DUSP7: variants seen among roughly 807,000 people sequenced by gnomAD.
The protein encoded by DUSP7 is dual specificity phosphatase 7.
In DUSP7, 7 loss-of-function variants were observed where a neutral mutation model predicts 29.8. The observed-to-expected ratio is 0.24, with a 90% CI of 0.13 to 0.44. The LOEUF is 0.44. Among genes scored for constraint, DUSP7 ranks in the 20% least tolerant of loss-of-function variants. The pLI is 1.00. For missense variants in DUSP7, 400 were observed against 583.7 expected, an observed-to-expected ratio of 0.69 and a Z score of 3.24; for synonymous variants, 287 against 275.4, an observed-to-expected ratio of 1.04 and a Z score of -0.42.
rs1309222376 is a variant in DUSP7 at position 52,053,587 on chromosome 3, G to A, written c.952+353C>T. 3.3e-5 allele frequency: 10 copies of A among 302,768 alleles called. No homozygotes were observed. Among genetic ancestry groups the A allele is most frequent in the Non-Finnish European group, 6.3e-5 (10 of 157,858 alleles). 18.8% of individuals were successfully genotyped at this position (302,768 alleles called of 1,614,324 possible). ...AGACACGTGTGCTGAGGCGTGATGC[G>A]GAGCAAGTGAGACCCGTGGGAGGTC... is the stretch of plus-strand genomic sequence containing the variant. On this transcript the variant is annotated intron_variant, in intron 2 of 2. Coordinates refer to ENST00000495880, the MANE Select transcript of DUSP7 (RefSeq NM_001947.4). The surrounding 1 kb of genome is among the most constrained non-coding windows in gnomAD (Gnocchi z 4.6).
rs1180246242 is a variant in DUSP7, at chr3:52,054,286, G to C, written c.606C>G (p.Thr202=). 2 of 1,599,998 alleles carry C rather than the reference G, an allele frequency of 1.3e-6. No individual in the cohort carries two copies. Among genetic ancestry groups the C allele is most frequent in the Admixed American group, 3.4e-5 (2 of 58,890 alleles). ...GCAGGCCCCCCAGGCCCAGCACTGAGGTGGGTGGCGAGCTGCTCGGCGAGG... is the reference window on the plus strand; with the variant it reads ...GCAGGCCCCCCAGGCCCAGCACTGACGTGGGTGGCGAGCTGCTCGGCGAGG... ...SSSSPSSSPP[T]SVLGLGGLRI... Residue 202 remains threonine, a synonymous_variant, in exon 2 of 3, where the codon ACC becomes ACG. Coordinates refer to ENST00000495880, the MANE Select transcript of DUSP7 (RefSeq NM_001947.4). This position sits in a 1 kb window ranked among gnomAD's most constrained non-coding sequence, Gnocchi z 4.1.
Position 52,051,068 on chromosome 3 carries a change from C to T in DUSP7, c.1007G>A (p.Ser336Asn), listed in dbSNP as rs1262872049. The part of the protein sequence containing the change: ...GVLVHCLAGI[S>N]RSVTVTVAYL... ...GGCCACAGTGACCGTCACTGAGCGG[C>T]TGATGCCTGCCAGGCAGTGCACCAG... Residue 336 changes from serine to asparagine, a missense_variant, in exon 3 of 3, where the codon AGC becomes AAC. Coordinates refer to ENST00000495880, the MANE Select transcript of DUSP7 (RefSeq NM_001947.4). This position sits in a 1 kb window ranked among gnomAD's most constrained non-coding sequence, Gnocchi z 4.8. The T allele has an allele frequency of 6.2e-7, 1 of 1,613,992 alleles. No homozygotes were observed.
Position 52,056,260 on chromosome 3 carries a change from C to G in DUSP7, c.107G>C (p.Gly36Ala), listed in dbSNP as rs538765819. The G allele has an allele frequency of 3.0e-6, 4 of 1,340,104 alleles. No individual in the cohort carries two copies. The highest frequency in any genetic ancestry group is 1.6e-5 in the African/African-American group (1 of 64,462). 83.0% of individuals were successfully genotyped at this position (1,340,104 alleles called of 1,614,324 possible). Residue 36 changes from glycine to alanine, a missense_variant, in exon 1 of 3, where the codon GGG (glycine) becomes GCG (alanine). By Grantham distance (60) the Gly-to-Ala change is moderately conservative. Transcript: ENST00000495880. This position sits in a 1 kb window ranked among gnomAD's most constrained non-coding sequence, Gnocchi z 6.4. ...RAGSEPGAGS[G>A]SGAGTGAGAA... ...GCCCGCCCCGGTGCCTGCGCCGGACCCCGACCCCGCACCGGGCTCGGACCC... is the reference window on the plus strand; with the variant it reads ...GCCCGCCCCGGTGCCTGCGCCGGACGCCGACCCCGCACCGGGCTCGGACCC...
In DUSP7 at chr3:52,051,015, G is replaced by A. The variant is rs200010600; in HGVS notation, c.1060C>T (p.Leu354Phe). 1 of 1,614,268 alleles carries A rather than the reference G, an allele frequency of 6.2e-7. No individual in the cohort carries two copies. The highest frequency in any genetic ancestry group is 8.5e-7 in the Non-Finnish European group (1 of 1,180,046). Reference sequence around the variant, plus strand: ...TTGACAAAGTCGTAGGCGTCGTTGAGTGACAGGTTCATCTTCTGCATCAGA... The same window carrying A: ...TTGACAAAGTCGTAGGCGTCGTTGAATGACAGGTTCATCTTCTGCATCAGA... ...AYLMQKMNLS[L>F]NDAYDFVKRK... is the part of the protein sequence containing the mutation. The change falls in exon 3 of 3, where the codon CTC (leucine) becomes TTC (phenylalanine). Residue 354 changes from leucine (L) to phenylalanine (F), a missense_variant. By Grantham distance (22) the Leu-to-Phe change is conservative. Transcript: ENST00000495880. This position sits in a 1 kb window ranked among gnomAD's most constrained non-coding sequence, Gnocchi z 4.8.
rs1042976241 is a variant in DUSP7 at position 52,049,669 on chromosome 3, A to C, written c.*1146T>G. The C allele has an allele frequency of 6.6e-6, 1 of 151,924 alleles. No individual in the cohort carries two copies. Among genetic ancestry groups the C allele is most frequent in the African/African-American group, 2.4e-5 (1 of 41,364 alleles). 9.4% of individuals were successfully genotyped at this position (151,924 alleles called of 1,614,324 possible). A position where few individuals can be genotyped will look rare whatever the true frequency, so the allele number is the denominator to read the frequency against. The stretch of plus-strand genomic sequence containing the variant: ...CCCACCACCTAATGTCTCCCCAGCC[A>C]CTGGGCCTCCACTCCCAGTTACAAC... On this transcript the variant is annotated 3_prime_UTR_variant, in exon 3 of 3. Transcript: ENST00000495880.
chr3:52,056,415 A>T lies in DUSP7; in HGVS notation c.-49T>A. The T allele has an allele frequency of 1.0e-6, 1 of 956,666 alleles. No individual in the cohort carries two copies. The highest frequency in any genetic ancestry group is 1.2e-6 in the Non-Finnish European group (1 of 803,960). 59.3% of individuals were successfully genotyped at this position (956,666 alleles called of 1,614,324 possible). ...CGGGGCCGGGCAGCCCTGCCCTGGGACGGCGCCCCGGCCGCGCGGGCCCCA... is the reference window on the plus strand; with the variant it reads ...CGGGGCCGGGCAGCCCTGCCCTGGGTCGGCGCCCCGGCCGCGCGGGCCCCA... On this transcript the variant is annotated 5_prime_UTR_variant, in exon 1 of 3. Transcript: ENST00000495880. This position sits in a 1 kb window ranked among gnomAD's most constrained non-coding sequence, Gnocchi z 6.4.
Position 52,051,781 on chromosome 3 carries a change from C to T in DUSP7, c.953-659G>A, listed in dbSNP as rs1374085707. Reference sequence around the variant, plus strand: ...AAGTAGGTGGCCTGGCCCTGCATTTCGCTCTGCCATCTGCCCAGCTAGTCC... The same window carrying T: ...AAGTAGGTGGCCTGGCCCTGCATTTTGCTCTGCCATCTGCCCAGCTAGTCC... On this transcript the variant is annotated intron_variant, in intron 2 of 2. Transcript: ENST00000495880. This position sits in a 1 kb window ranked among gnomAD's most constrained non-coding sequence, Gnocchi z 4.8. 2.6e-5 allele frequency: 4 copies of T among 152,418 alleles called. No individual in the cohort carries two copies. Among genetic ancestry groups the T allele is most frequent in the African/African-American group, 9.7e-5 (4 of 41,444 alleles). 9.4% of individuals were successfully genotyped at this position (152,418 alleles called of 1,614,324 possible).
rs770311038 is a variant in DUSP7 at position 52,054,774 on chromosome 3, T to C, written c.518-400A>G. Among the ~76,000 whole-genome samples, 4 of 152,160 alleles carry C rather than the reference T, an allele frequency of 2.6e-5. No individual in the cohort carries two copies. The highest frequency in any genetic ancestry group is 4.8e-5 in the African/African-American group (2 of 41,432). On this transcript the variant is annotated intron_variant, in intron 1 of 2. Coordinates refer to ENST00000495880, the MANE Select transcript of DUSP7 (RefSeq NM_001947.4). This position sits in a 1 kb window ranked among gnomAD's most constrained non-coding sequence, Gnocchi z 4.1. ...TGGTAAAGAAAAGCAGACAACCCCA[T>C]CTTAGCCAGCACCTCTGGGTTGGCA...
chr3:52,056,376 G>T lies in DUSP7; in HGVS notation c.-10C>A. ...GGAGCTGGTTTTTCATGGGGAGCGCGGGCGGCCCGGGGCCGGGGCCGGGCA... is the reference window on the plus strand; with the variant it reads ...GGAGCTGGTTTTTCATGGGGAGCGCTGGCGGCCCGGGGCCGGGGCCGGGCA... On this transcript the variant is annotated 5_prime_UTR_variant, in exon 1 of 3. Coordinates refer to ENST00000495880, the MANE Select transcript of DUSP7 (RefSeq NM_001947.4). The surrounding 1 kb of genome is among the most constrained non-coding windows in gnomAD (Gnocchi z 6.4). 3 of 1,084,312 alleles carry T rather than the reference G, an allele frequency of 2.8e-6. No homozygotes were observed. The highest frequency in any genetic ancestry group is 4.3e-5 in the South Asian group (1 of 23,052). 67.2% of individuals were successfully genotyped at this position (1,084,312 alleles called of 1,614,324 possible).
rs2106891003 is a variant in DUSP7 at position 52,051,219 on chromosome 3, G to C, written c.953-97C>G. ...GCTGGGGCACAGAGGGCAGCATGGTGGCTGGCTGGTCTTGCCCGACCCCTG... is the reference window on the plus strand; with the variant it reads ...GCTGGGGCACAGAGGGCAGCATGGTCGCTGGCTGGTCTTGCCCGACCCCTG... On this transcript the variant is annotated intron_variant, in intron 2 of 2. Transcript: ENST00000495880. The surrounding 1 kb of genome is among the most constrained non-coding windows in gnomAD (Gnocchi z 4.8). 7.1e-7 allele frequency: 1 copy of C among 1,418,420 alleles called. No homozygotes were observed. Among genetic ancestry groups the C allele is most frequent in the Non-Finnish European group, 9.5e-7 (1 of 1,056,866 alleles). 87.9% of individuals were successfully genotyped at this position (1,418,420 alleles called of 1,614,324 possible). A position where few individuals can be genotyped will look rare whatever the true frequency, so the allele number is the denominator to read the frequency against.
chr3:52,056,301 A>G lies in DUSP7; in HGVS notation c.66T>C (p.Ala22=). The change falls in exon 1 of 3, where the codon GCT becomes GCC. Residue 22 remains alanine (A), a synonymous_variant. Transcript: ENST00000495880. This position sits in a 1 kb window ranked among gnomAD's most constrained non-coding sequence, Gnocchi z 6.4. ...GCTCGGACCCCGCCCGGGTGCCCCC[A>G]GCCGCCGCCGCCCCCGAAGTCGACA... ...AHMSTSGAAA[A]GGTRAGSEPG... is the part of the protein sequence containing the mutation. The G allele has an allele frequency of 8.3e-7, 1 of 1,198,252 alleles. No homozygotes were observed. Among genetic ancestry groups the G allele is most frequent in the Non-Finnish European group, 1.0e-6 (1 of 968,982 alleles). 74.2% of individuals were successfully genotyped at this position (1,198,252 alleles called of 1,614,324 possible).
At position 52,053,687 on chromosome 3, in the gene DUSP7, G is replaced by C. The variant is rs77231322; in HGVS notation, c.952+253C>G. 412 of 547,988 alleles carry C rather than the reference G, an allele frequency of 7.5e-4. 1 individual carries two copies. The highest frequency in any genetic ancestry group is 3.5e-3 in the East Asian group (113 of 32,202). 33.9% of individuals were successfully genotyped at this position (547,988 alleles called of 1,614,324 possible). A position where few individuals can be genotyped will look rare whatever the true frequency, so the allele number is the denominator to read the frequency against. On this transcript the variant is annotated intron_variant, in intron 2 of 2. Coordinates refer to ENST00000495880, the MANE Select transcript of DUSP7 (RefSeq NM_001947.4). The surrounding 1 kb of genome is among the most constrained non-coding windows in gnomAD (Gnocchi z 4.6). The stretch of plus-strand genomic sequence containing the variant: ...AGGAAAACACAAGCTGGACAGCAGA[G>C]AGCCCATGACGTGCTGTCAGCTAGG...
rs1310103070 is a variant in DUSP7, at chr3:52,050,865, T to C, written c.1210A>G (p.Thr404Ala). The C allele has an allele frequency of 4.3e-6, 7 of 1,613,802 alleles. No individual in the cohort carries two copies. Among genetic ancestry groups the C allele is most frequent in the Non-Finnish European group, 5.9e-6 (7 of 1,179,834 alleles). ...GGGAACAGGTTGTGGTTGGTGGGCG[T>C]GGAAAAGTAGAGCTGCTCACTCGAC... ...HASSEQLYFSTPTNHNLFPLN... is the reference protein window; with the variant it reads ...HASSEQLYFSAPTNHNLFPLN... The change falls in exon 3 of 3, where the codon ACG (threonine) becomes GCG (alanine). Residue 404 changes from threonine to alanine, a missense_variant. Physicochemically the swap from Thr to Ala is moderately conservative, Grantham distance 58 (BLOSUM62 0). This residue lies in a region of DUSP7 where 75 missense variants were observed against 95.0 expected (regional missense o/e 0.79). Transcript: ENST00000495880. The surrounding 1 kb of genome is among the most constrained non-coding windows in gnomAD (Gnocchi z 5.0).
chr3:52,052,614 C>T (rs1248755362), intron 2 of DUSP7: 1 of 152,378 alleles, frequency 6.6e-6, no homozygotes, highest in African/African-American at 2.4e-5. Flanking sequence ...TTTCTGCTGG[C>T]TTTATTTTTG....
Position 52,053,837 on chromosome 3 carries a change from G to A in DUSP7, c.952+103C>T, listed in dbSNP as rs765094050. ...GCTGGCACACGTAGGGCACACACAG[G>A]TCTCAACAGGCCCAGAGGTACCCAG... On this transcript the variant is annotated intron_variant, in intron 2 of 2. Transcript: ENST00000495880. The surrounding 1 kb of genome is among the most constrained non-coding windows in gnomAD (Gnocchi z 4.6). 8 of 1,312,234 alleles carry A rather than the reference G, an allele frequency of 6.1e-6. No individual in the cohort carries two copies. Among genetic ancestry groups the A allele is most frequent in the Non-Finnish European group, 8.6e-6 (8 of 926,102 alleles). The allele number at this position is 1,312,234 out of a possible 1,614,324, so 81.3% of individuals were successfully genotyped here. A position where few individuals can be genotyped will look rare whatever the true frequency, so the allele number is the denominator to read the frequency against.
Position 52,050,680 on chromosome 3 carries a change from C to G in DUSP7, c.*135G>C. 9.4e-7 allele frequency: 1 copy of G among 1,063,192 alleles called. No individual in the cohort carries two copies. Among genetic ancestry groups the G allele is most frequent in the Non-Finnish European group, 1.3e-6 (1 of 752,966 alleles). 65.9% of individuals were successfully genotyped at this position (1,063,192 alleles called of 1,614,324 possible). On this transcript the variant is annotated 3_prime_UTR_variant, in exon 3 of 3. Transcript: ENST00000495880. The surrounding 1 kb of genome is among the most constrained non-coding windows in gnomAD (Gnocchi z 5.0). ...AGGATGGTGAGGGGCGCTCCGACACCGATCAGCCTGGGCCTCTGGGCACAG... is the reference window on the plus strand; with the variant it reads ...AGGATGGTGAGGGGCGCTCCGACACGGATCAGCCTGGGCCTCTGGGCACAG...
At chr3:52,052,448 G>A (rs1453074677) in intron 2 of DUSP7, 2 of 152,282 alleles carry the variant, frequency 1.3e-5, no homozygotes, top group African/African-American at 4.8e-5. Context: ...ATCTGGCAAG[G>A]AGACAGACAT....
In DUSP7 at chr3:52,055,865, C is replaced by A; in HGVS notation, c.502G>T (p.Ala168Ser). ...LQKLRDDGCQ[A>S]YYLQGGFNKF... ...CCGCCCTCACCTTGGAGGTAGTAGGCCTGGCAGCCGTCGTCGCGCAGCTTC... is the reference window on the plus strand; with the variant it reads ...CCGCCCTCACCTTGGAGGTAGTAGGACTGGCAGCCGTCGTCGCGCAGCTTC... Residue 168 changes from alanine to serine, a missense_variant, in exon 1 of 3, where the codon GCC (alanine) becomes TCC (serine). By Grantham distance (99) the Ala-to-Ser change is moderately conservative. Around this residue, in one of 4 missense-constraint regions of DUSP7, gnomAD observed 223 missense variants for 360.9 expected, o/e 0.62. Coordinates refer to ENST00000495880, the MANE Select transcript of DUSP7 (RefSeq NM_001947.4). 1.9e-6 allele frequency: 3 copies of A among 1,570,572 alleles called. No homozygotes were observed. Among genetic ancestry groups the A allele is most frequent in the Non-Finnish European group, 2.6e-6 (3 of 1,159,294 alleles).
At position 52,050,631 on chromosome 3, in the gene DUSP7, C is replaced by G; in HGVS notation, c.*184G>C. The G allele has an allele frequency of 1.4e-6, 1 of 709,832 alleles. No homozygotes were observed. Among genetic ancestry groups the G allele is most frequent in the Non-Finnish European group, 2.3e-6 (1 of 444,026 alleles). The allele number at this position is 709,832 out of a possible 1,614,324, so 44.0% of individuals were successfully genotyped here. On this transcript the variant is annotated 3_prime_UTR_variant, in exon 3 of 3. Transcript: ENST00000495880. This position sits in a 1 kb window ranked among gnomAD's most constrained non-coding sequence, Gnocchi z 5.0. ...CTCCAGCAAGCCCTGCAGTGGGAGA[C>G]CTTGCCTGCGGGCCCTGCCCCCAAG...
Sources: gnomAD v4.1 joint callset for allele counts (sites outside exome capture counted in the v4.1 genomes callset) on GRCh38, gnomAD v4.1.1 for gene constraint, gnomAD v4.1.1 regional missense constraint, Gnocchi (gnomAD v3.1) non-coding constraint, MANE v1.5 for transcripts, NCBI Gene and HGNC (gene_info 2026-07-23, HGNC 2026-07-21) for gene names.